The following CPLANE1 variants were observed in gnomAD, a reference collection of about 807,000 sequenced individuals.
The protein encoded by CPLANE1 is ciliogenesis and planar polarity effector complex subunit 1.
CPLANE1 carries 263 observed loss-of-function variants against 362.5 expected under a neutral mutation model. The observed-to-expected ratio is 0.73, with a 90% CI of 0.66 to 0.80. CPLANE1 has a LOEUF of 0.80. Among genes scored for constraint, CPLANE1 ranks in the 30% least tolerant of loss-of-function variants. The pLI, the probability that CPLANE1 is intolerant of heterozygous loss-of-function variation, is 0.00. For synonymous variants in CPLANE1, 1,212 were observed against 1,302.6 expected (o/e 0.93, Z 1.50); for missense variants, 3,461 against 3,793.4 (o/e 0.91, Z 2.30).
At chr5:37,132,744 CTG>C (rs1199234319) in intron 46 of CPLANE1, among the ~76,000 whole-genome samples, 3 of 152,110 alleles carry the variant, frequency 2.0e-5, no homozygotes, top group Non-Finnish European at 4.4e-5. Flanking sequence ...TCTGTTTACT[CTG>C]TTGATTATTT....
At chr5:37,077,479 CTCTT>C in the CPLANE1 span, among the ~76,000 whole-genome samples, 1 of 151,868 alleles carries the variant, frequency 6.6e-6, no homozygotes, top group Non-Finnish European at 1.5e-5. Context: ...TTTTCCAATT[CTCTT>C]TGTTTGCATT....
intron 16 of CPLANE1, chr5:37,211,290 G>T: frequency 6.6e-7 from 1 of 1,510,776 alleles, no homozygotes. Context: ...GCAAGAGGCG[G>T]AACGCTTGGA....
At chr5:37,153,309 T>C (rs1381585703) in intron 42 of CPLANE1, among the ~76,000 whole-genome samples, 1 of 152,156 alleles carries the variant, frequency 6.6e-6, no homozygotes, top group African/African-American at 2.4e-5. Flanking sequence ...ATAGTACCAA[T>C]CCTATAAAAA....
intron 16 of CPLANE1, chr5:37,211,549 G>A (rs1792598784): frequency 2.5e-6 from 3 of 1,222,162 alleles, no homozygotes; most frequent in African/African-American, 1.5e-5. Context: ...CTATGCGGGG[G>A]CACTTCCTCC....
rs66769463 is a variant in CPLANE1, at chr5:37,239,608, GA to G, written c.834+104del. On this transcript the variant is annotated intron_variant, in intron 7 of 52. Coordinates refer to ENST00000651892, the MANE Select transcript of CPLANE1 (RefSeq NM_001384732.1). ...AAAAAAAAAAAAAAAAAACCAGAAA[GA>G]AAAAAAAAATGGATATAAAGGAGTA... 921 of 524,754 alleles carry G rather than the reference GA, an allele frequency of 1.8e-3. 1 individual carries two copies. Among genetic ancestry groups the G allele is most frequent in the South Asian group, 2.2e-3 (28 of 12,948 alleles). 32.5% of individuals were successfully genotyped at this position (524,754 alleles called of 1,614,324 possible).
At chr5:37,190,811 G>C (rs1580581566) in intron 21 of CPLANE1, among the ~76,000 whole-genome samples, 1 of 152,132 alleles carries the variant, frequency 6.6e-6, no homozygotes, top group Non-Finnish European at 1.5e-5. Context: ...TTACTCAGGT[G>C]TTTATGGTGA....
intron 27 of CPLANE1, 52 bp from the exon 28 acceptor site, chr5:37,180,235 T>G: frequency 8.2e-7 from 1 of 1,223,032 alleles, no homozygotes; most frequent in Non-Finnish European, 1.1e-6. Context: ...GATAAAGAGC[T>G]AATTCAGTTT....
At chr5:37,093,169 C>A in the CPLANE1 span, among the ~76,000 whole-genome samples, 1 of 152,210 alleles carries the variant, frequency 6.6e-6, no homozygotes, top group Non-Finnish European at 1.5e-5. Flanking sequence ...ATTGCTGTGG[C>A]ATCTATTACT....
At chr5:37,079,724 T>G in the CPLANE1 span, among the ~76,000 whole-genome samples, 2 of 152,232 alleles carry the variant, frequency 1.3e-5, no homozygotes, top group African/African-American at 4.8e-5. Context: ...ATGGTCAGTG[T>G]GTGAACAGTG....
chr5:37,080,902 A>G, the CPLANE1 span, among the ~76,000 whole-genome samples: 1 of 152,228 alleles, frequency 6.6e-6, no homozygotes, highest in Non-Finnish European at 1.5e-5. Flanking sequence ...CCTGGCACGC[A>G]CTTACCACAT....
chr5:37,132,349 T>G (rs1203825787), intron 46 of CPLANE1, among the ~76,000 whole-genome samples: 1 of 139,260 alleles, frequency 7.2e-6, no homozygotes. Flanking sequence ...TTTTTTTTTT[T>G]TTTTTTTTTT....
chr5:37,125,612 A>T (rs765667451), intron 46 of CPLANE1, among the ~76,000 whole-genome samples: 110 of 152,300 alleles, frequency 7.2e-4, no homozygotes, highest in Admixed American at 2.9e-3. Context: ...ACTTCTTTAT[A>T]ACATTTACCT....
At chr5:37,208,681 C>G (rs1179328662) in intron 16 of CPLANE1, among the ~76,000 whole-genome samples, 7 of 114,076 alleles carry the variant, frequency 6.1e-5, no homozygotes, top group Non-Finnish European at 9.3e-5. Flanking sequence ...TGTCTCCCCC[C>G]CCCCCCAAAA....
At position 37,107,314 on chromosome 5, in the gene CPLANE1, T is replaced by C. The variant is rs982516496; in HGVS notation, c.*288A>G. ...GAGGGTTTTTATTGAAAGTAGGTTA[T>C]GCAAACTTGGCTTGAAAGGTACTTA... On this transcript the variant is annotated 3_prime_UTR_variant, in exon 53 of 53. Transcript: ENST00000651892. The C allele has an allele frequency of 4.8e-5, 54 of 1,124,866 alleles. No homozygotes were observed. In the African/African-American group the frequency reaches 6.4e-4, roughly 13 times the overall value. The allele number at this position is 1,124,866 out of a possible 1,614,324, so 69.7% of individuals were successfully genotyped here. A position where few individuals can be genotyped will look rare whatever the true frequency, so the allele number is the denominator to read the frequency against.
intron 26 of CPLANE1, among the ~76,000 whole-genome samples, chr5:37,181,921 T>C (rs1457159755): frequency 2.0e-5 from 3 of 151,348 alleles, no homozygotes; most frequent in Admixed American, 6.6e-5. Context: ...TGAAACCCCA[T>C]CTCTACTAAA....
Position 37,209,889 on chromosome 5 carries a change from C to T in CPLANE1, c.2921-3464G>A. 1 of 1,444,782 alleles carries T rather than the reference C, an allele frequency of 6.9e-7. No homozygotes were observed. Among genetic ancestry groups the T allele is most frequent in the Non-Finnish European group, 9.7e-7 (1 of 1,027,800 alleles). The allele number at this position is 1,444,782 out of a possible 1,614,324, so 89.5% of individuals were successfully genotyped here. On this transcript the variant is annotated intron_variant, in intron 16 of 52. Transcript: ENST00000651892. This position sits in a 1 kb window ranked among gnomAD's most constrained non-coding sequence, Gnocchi z 4.6. Reference sequence around the variant, plus strand: ...TAGCAGAGATTCTCTGGCTGAGAAGCTTCAGCTTATTGATGATCAGTTTGC... The same window carrying T: ...TAGCAGAGATTCTCTGGCTGAGAAGTTTCAGCTTATTGATGATCAGTTTGC...
chr5:37,182,918 T>C lies in CPLANE1; in HGVS notation c.5263A>G (p.Asn1755Asp), dbSNP rs142400753. The C allele has an allele frequency of 5.6e-6, 9 of 1,606,066 alleles. No homozygotes were observed. The East Asian group carries it at 1.1e-4, about 20-fold the overall frequency. Residue 1755 changes from asparagine to aspartate, a missense_variant, in exon 26 of 53, where the codon AAT becomes GAT. By Grantham distance (23) the Asn-to-Asp change is conservative. Around this residue, in one of 2 missense-constraint regions of CPLANE1, gnomAD observed 3,380 missense variants for 3,666.1 expected, o/e 0.92. Coordinates refer to ENST00000651892, the MANE Select transcript of CPLANE1 (RefSeq NM_001384732.1). The stretch of plus-strand genomic sequence containing the variant: ...CCAGAATCACAGAGTAGCCTTCTAT[T>C]AGACCACCTTATCATCCATTCCAGC... Reference protein sequence around the residue: ...RLLEWMIRWSNRRLLCDSGIT... With the variant: ...RLLEWMIRWSDRRLLCDSGIT...
chr5:37,157,814 C>T lies in CPLANE1; in HGVS notation c.7867G>A (p.Glu2623Lys), dbSNP rs755388205. Residue 2623 changes from glutamate to lysine, a missense_variant, in exon 40 of 53, where the codon GAA (glutamate) becomes AAA (lysine). Physicochemically the swap from Glu to Lys is moderately conservative, Grantham distance 56. This residue lies in a region of CPLANE1 where 3,380 missense variants were observed against 3,666.1 expected (regional missense o/e 0.92). Coordinates refer to ENST00000651892, the MANE Select transcript of CPLANE1 (RefSeq NM_001384732.1). ...GAAGGCTCTTCTCTCACAGGTAATT[C>T]CTGTAGAAGATCATTAGCTTCAATG... ...IDIEANDLLQ[E>K]LPVREEPSND... The T allele has an allele frequency of 6.2e-7, 1 of 1,612,672 alleles. No individual in the cohort carries two copies. The highest frequency in any genetic ancestry group is 1.3e-5 in the African/African-American group (1 of 74,714).
intron 18 of CPLANE1, among the ~76,000 whole-genome samples, chr5:37,202,944 A>T (rs1789630558): frequency 6.6e-6 from 1 of 150,484 alleles, no homozygotes; most frequent in East Asian, 1.9e-4. Flanking sequence ...TATATTTTAT[A>T]TATATATATG....
Sources: allele counts gnomAD v4.1 joint callset (sites outside exome capture counted in the v4.1 genomes callset), GRCh38; gene constraint gnomAD v4.1.1; regional missense constraint gnomAD v4.1.1; non-coding constraint Gnocchi (gnomAD v3.1); transcripts MANE v1.5; gene names NCBI Gene and HGNC (gene_info 2026-07-23, HGNC 2026-07-21).